Variants in KPNA5 observed in about 807,000 individuals in gnomAD.
KPNA5 encodes importin subunit alpha-6.
Under a neutral mutation model 71.3 loss-of-function variants are expected in KPNA5, and 46 were observed. The observed-to-expected ratio is 0.65, with a 90% CI of 0.51 to 0.83. The LOEUF (loss-of-function observed/expected upper bound fraction) is 0.83, where lower values mean the gene tolerates loss of function less well. KPNA5 is among the 40% of genes least tolerant of loss of function. The probability of loss-of-function intolerance (pLI) is 0.00; values close to 1 mark genes in which losing one functional copy is unlikely to be tolerated. For synonymous variants in KPNA5, 207 were observed against 201.4 expected (o/e 1.03, Z -0.24); for missense variants, 547 against 628.3 (o/e 0.87, Z 1.38).
chr6:116,688,410 ACTAT>A (rs1008811154), intron 1 of KPNA5, among the ~76,000 whole-genome samples: 1 of 152,088 alleles, frequency 6.6e-6, no homozygotes, highest in Non-Finnish European at 1.5e-5. Flanking sequence ...CTGGGTACTC[ACTAT>A]CTACTGTTAA....
At chr6:116,686,814 T>C (rs2114357746) in intron 1 of KPNA5, among the ~76,000 whole-genome samples, 1 of 152,356 alleles carries the variant, frequency 6.6e-6, no homozygotes, top group South Asian at 2.1e-4. Flanking sequence ...TGCTTCCTTT[T>C]GTCAGTTTTG....
intron 6 of KPNA5, 51 bp downstream of exon 6, chr6:116,702,201 G>T (rs1443960000): frequency 1.3e-6 from 2 of 1,558,420 alleles, no homozygotes; most frequent in Admixed American, 1.9e-5. Context: ...GTTTTCTCTT[G>T]AAAGTACCAT....
chr6:116,685,863 A>G (rs1377663139), intron 1 of KPNA5, among the ~76,000 whole-genome samples: 1 of 152,118 alleles, frequency 6.6e-6, no homozygotes, highest in East Asian at 1.9e-4. Context: ...GAATTGCCAC[A>G]CTGCTTTCCA....
At chr6:116,692,513 C>G in intron 4 of KPNA5, 121 bp downstream of exon 4, 1 of 632,054 alleles carries the variant, frequency 1.6e-6, no homozygotes, top group Non-Finnish European at 2.7e-6. Flanking sequence ...GTTATATTCT[C>G]TGCAAAATAT....
intron 1 of KPNA5, among the ~76,000 whole-genome samples, chr6:116,687,957 T>C (rs1465129114): frequency 6.6e-6 from 1 of 152,206 alleles, no homozygotes; most frequent in East Asian, 1.9e-4. Flanking sequence ...ATAGGAACCA[T>C]ATGTCCTCTA....
intron 8 of KPNA5, among the ~76,000 whole-genome samples, chr6:116,721,017 G>C (rs78446521): frequency 0.017 from 2,556 of 152,214 alleles, 76 homozygotes; most frequent in African/African-American, 0.058. Flanking sequence ...TCTTTAGATG[G>C]TAACTACTTC....
At chr6:116,707,985 T>C (rs968599360) in intron 7 of KPNA5, among the ~76,000 whole-genome samples, 1 of 152,254 alleles carries the variant, frequency 6.6e-6, no homozygotes, top group Non-Finnish European at 1.5e-5. Context: ...ATACTGTATA[T>C]ATCACATAAG....
rs1231523228 is a variant in KPNA5 at position 116,740,826 on chromosome 6, A to C, written c.*8503A>C. 1 of 125,536 alleles carries C rather than the reference A, an allele frequency of 8.0e-6. No homozygotes were observed. Among genetic ancestry groups the C allele is most frequent in the Admixed American group, 9.5e-5 (1 of 10,526 alleles). 7.8% of individuals were successfully genotyped at this position (125,536 alleles called of 1,614,324 possible). A position where few individuals can be genotyped will look rare whatever the true frequency, so the allele number is the denominator to read the frequency against. The stretch of plus-strand genomic sequence containing the variant: ...ACATGGACACAGGAAGGGGAACATC[A>C]CACTCTGGGGACTGTTGTGGGGTTG... On this transcript the variant is annotated 3_prime_UTR_variant, in exon 14 of 14. Coordinates refer to ENST00000368564, the MANE Select transcript of KPNA5 (RefSeq NM_001366306.2).
chr6:116,726,061 A>AGTGTGTGTGTGTGTGTGTGT (rs58131077), intron 11 of KPNA5, among the ~76,000 whole-genome samples, 185 bp downstream of exon 11: 4,600 of 150,620 alleles, frequency 0.031, 63 homozygotes, highest in South Asian at 0.058. Flanking sequence ...AAGAACATCA[A>AGTGTGTGTGTGTGTGTGTGT]GTGTGTGTGT....
Position 116,740,644 on chromosome 6 carries a change from C to T in KPNA5, c.*8321C>T, listed in dbSNP as rs1302859378. On this transcript the variant is annotated 3_prime_UTR_variant, in exon 14 of 14. Coordinates refer to ENST00000368564, the MANE Select transcript of KPNA5 (RefSeq NM_001366306.2). ...ATTAAGAAAATGTGGCACATATACA[C>T]CATGGAATACTATGCAGCCATAAAA... The T allele has an allele frequency of 2.6e-5, 4 of 152,086 alleles. No individual in the cohort carries two copies. Among genetic ancestry groups the T allele is most frequent in the Non-Finnish European group, 5.9e-5 (4 of 68,012 alleles). 9.4% of individuals were successfully genotyped at this position (152,086 alleles called of 1,614,324 possible).
chr6:116,717,467 T>C (rs1778929329), intron 8 of KPNA5, among the ~76,000 whole-genome samples: 1 of 152,162 alleles, frequency 6.6e-6, no homozygotes, highest in Non-Finnish European at 1.5e-5. Flanking sequence ...ATGTAATCTG[T>C]CACTGTGGTA....
At chr6:116,725,222 T>C (rs1378584147) in intron 10 of KPNA5, among the ~76,000 whole-genome samples, 1 of 152,178 alleles carries the variant, frequency 6.6e-6, no homozygotes, top group African/African-American at 2.4e-5. Context: ...TTGGAGTATT[T>C]TGAATATAGG....
In KPNA5 at chr6:116,692,065, G is replaced by A. The variant is rs758890022; in HGVS notation, c.149G>A (p.Arg50His). Residue 50 changes from arginine to histidine, a missense_variant, in exon 3 of 14, where the codon CGC (arginine) becomes CAC (histidine). Physicochemically the swap from Arg to His is conservative, Grantham distance 29 (BLOSUM62 0). Coordinates refer to ENST00000368564, the MANE Select transcript of KPNA5 (RefSeq NM_001366306.2). ...KQKREEQLFK[R>H]RNVYLPRNDE... ...TTCTCTTTATTACAGTTGTTCAAAC[G>A]CAGAAATGTCTATTTGCCCAGAAAT... The A allele has an allele frequency of 4.4e-6, 7 of 1,607,076 alleles. No individual in the cohort carries two copies. The highest frequency in any genetic ancestry group is 1.7e-5 in the Admixed American group (1 of 59,666).
chr6:116,737,150 A>C lies in KPNA5; in HGVS notation c.*4827A>C, dbSNP rs1303568495. The C allele has an allele frequency of 1.3e-5, 2 of 151,972 alleles. No homozygotes were observed. The highest frequency in any genetic ancestry group is 4.1e-4 in the South Asian group (2 of 4,824). 9.4% of individuals were successfully genotyped at this position (151,972 alleles called of 1,614,324 possible). On this transcript the variant is annotated 3_prime_UTR_variant, in exon 14 of 14. Coordinates refer to ENST00000368564, the MANE Select transcript of KPNA5 (RefSeq NM_001366306.2). ...TAGGGGAAAAAATGTGATCCTTTAA[A>C]GGCTTGCTTTTAAACTTTGTAAGGC...
Position 116,725,771 on chromosome 6 carries a change from A to G in KPNA5, c.1020A>G (p.Ala340=), listed in dbSNP as rs751246052. 6.2e-7 allele frequency: 1 copy of G among 1,612,582 alleles called. No individual in the cohort carries two copies. Among genetic ancestry groups the G allele is most frequent in the Non-Finnish European group, 8.5e-7 (1 of 1,179,272 alleles). Residue 340 remains alanine, a synonymous_variant, in exon 11 of 14, where the codon GCA becomes GCG. Transcript: ENST00000368564. ...TTTAGGTAATTTTGAATTGTTCTGCATTACCCTGTCTCTTACATTTATTGA... is the reference window on the plus strand; with the variant it reads ...TTTAGGTAATTTTGAATTGTTCTGCGTTACCCTGTCTCTTACATTTATTGA... The part of the protein sequence containing the change: ...IQTQVILNCS[A]LPCLLHLLSS...
intron 6 of KPNA5, 52 bp from the exon 7 acceptor site, chr6:116,705,020 G>T: frequency 1.5e-6 from 2 of 1,307,538 alleles, no homozygotes; most frequent in Middle Eastern, 2.4e-4. Context: ...ATTCCTAAAG[G>T]AAAGCCTCTA....
chr6:116,691,997 T>G, intron 2 of KPNA5, 58 bp from the exon 3 acceptor site: 1 of 1,078,698 alleles, frequency 9.3e-7, no homozygotes, highest in Non-Finnish European at 1.4e-6. Context: ...TGGAATTCTA[T>G]GGCAACTTAA....
chr6:116,711,153 T>C lies in KPNA5; in HGVS notation c.657-5066T>C, dbSNP rs189646584. On this transcript the variant is annotated intron_variant, in intron 7 of 13. Coordinates refer to ENST00000368564, the MANE Select transcript of KPNA5 (RefSeq NM_001366306.2). ...AGGTGATCCGCTTGCCTCAGCCTCC[T>C]GAAGTGCTGGGATTACAGGTGTGAG... 3.5e-3 allele frequency among the ~76,000 whole-genome samples: 529 copies of C among 151,388 alleles called. 5 individuals are homozygous for C. The highest frequency in any genetic ancestry group is 0.012 in the African/African-American group (508 of 41,400).
intron 13 of KPNA5, 97 bp downstream of exon 13, chr6:116,729,838 G>T: frequency 1.4e-6 from 1 of 737,542 alleles, no homozygotes; most frequent in Non-Finnish European, 2.0e-6. Context: ...TGTAAAAGCA[G>T]TATGTATTTT....
Sources: allele counts gnomAD v4.1 joint callset (sites outside exome capture counted in the v4.1 genomes callset), GRCh38; gene constraint gnomAD v4.1.1; transcripts MANE v1.5; gene names NCBI Gene and HGNC (gene_info 2026-07-23, HGNC 2026-07-21).